The following GPC6 variants were observed in gnomAD, a reference collection of about 807,000 sequenced individuals.
GPC6 encodes glypican-6.
Under a neutral mutation model 55.2 loss-of-function variants are expected in GPC6, and 14 were observed. That is an observed-to-expected ratio of 0.25 (90% CI 0.17 to 0.40). The LOEUF (loss-of-function observed/expected upper bound fraction) is 0.40, where lower values mean the gene tolerates loss of function less well. GPC6 is among the 10% of genes least tolerant of loss of function. GPC6 has a pLI of 1.00. For missense variants in GPC6, 641 were observed against 708.5 expected (o/e 0.90, Z 1.08); for synonymous variants, 278 against 259.6 (o/e 1.07, Z -0.68).
chr13:93,661,250 G>A (rs551706856), intron 2 of GPC6, among the ~76,000 whole-genome samples: 1 of 151,976 alleles, frequency 6.6e-6, no homozygotes. Flanking sequence ...GCCTCACTCT[G>A]TCACCCAGGC....
At chr13:93,987,408 T>G (rs1009976672) in intron 3 of GPC6, among the ~76,000 whole-genome samples, 1 of 152,202 alleles carries the variant, frequency 6.6e-6, no homozygotes. Context: ...AAGTTTTGAC[T>G]AAAATTTTTA....
At chr13:93,581,834 A>T (rs1876950297) in intron 2 of GPC6, among the ~76,000 whole-genome samples, 1 of 152,224 alleles carries the variant, frequency 6.6e-6, no homozygotes, top group African/African-American at 2.4e-5. Context: ...CCTGAGGGAA[A>T]GATGTTCTTG....
At chr13:93,518,187 T>G (rs145185379) in intron 1 of GPC6, among the ~76,000 whole-genome samples, 1 of 151,962 alleles carries the variant, frequency 6.6e-6, no homozygotes, top group African/African-American at 2.4e-5. Flanking sequence ...GAAGAGAAAA[T>G]GGTGGTTAAA....
chr13:93,590,601 T>A (rs558034419), intron 2 of GPC6, among the ~76,000 whole-genome samples: 8 of 152,200 alleles, frequency 5.3e-5, no homozygotes, highest in African/African-American at 1.9e-4. Context: ...AATAAGTTTT[T>A]TAAAAAAAGC....
chr13:94,341,714 A>C (rs935511621), intron 6 of GPC6, among the ~76,000 whole-genome samples: 3 of 152,224 alleles, frequency 2.0e-5, no homozygotes, highest in Non-Finnish European at 4.4e-5. Flanking sequence ...TTCAAAGGAA[A>C]ATATCTTTCA....
intron 4 of GPC6, among the ~76,000 whole-genome samples, chr13:94,263,390 T>TTTG (rs1291546816): frequency 2.6e-5 from 4 of 152,250 alleles, no homozygotes; most frequent in African/African-American, 9.6e-5. Context: ...TAGAATGACC[T>TTTG]TTGCCCTTTA....
chr13:93,240,442 A>G (rs1353252368), intron 1 of GPC6, among the ~76,000 whole-genome samples: 1 of 151,920 alleles, frequency 6.6e-6, no homozygotes, highest in African/African-American at 2.4e-5. Context: ...GATTTATCTG[A>G]TATAAGAATG....
intron 1 of GPC6, among the ~76,000 whole-genome samples, chr13:93,283,556 T>A (rs1435615889): frequency 6.6e-6 from 1 of 152,122 alleles, no homozygotes; most frequent in Non-Finnish European, 1.5e-5. Flanking sequence ...TTGCTTGGAA[T>A]GGTGGCATGC....
intron 2 of GPC6, among the ~76,000 whole-genome samples, chr13:93,821,636 C>T (rs1381792508): frequency 6.6e-6 from 1 of 152,172 alleles, no homozygotes; most frequent in Admixed American, 6.5e-5. Context: ...TTTATTAGAA[C>T]TCCATTTTGG....
At chr13:93,642,225 A>G (rs536902957) in intron 2 of GPC6, among the ~76,000 whole-genome samples, 20 of 152,170 alleles carry the variant, frequency 1.3e-4, no homozygotes, top group South Asian at 4.1e-4. Context: ...GCTCCCACCT[A>G]TAAGTGAGAC....
chr13:93,968,365 A>T (rs1327024060), intron 3 of GPC6, among the ~76,000 whole-genome samples: 2 of 152,222 alleles, frequency 1.3e-5, no homozygotes, highest in Non-Finnish European at 2.9e-5. Context: ...ATCCAAAGGC[A>T]TTTCTATAAT....
intron 1 of GPC6, among the ~76,000 whole-genome samples, chr13:93,493,624 A>G (rs911740104): frequency 2.9e-5 from 4 of 137,432 alleles, no homozygotes; most frequent in African/African-American, 8.1e-5. Flanking sequence ...TAGGGTGTCA[A>G]TTTTGGATCT....
chr13:93,745,911 C>T (rs1884381411), intron 2 of GPC6, among the ~76,000 whole-genome samples: 1 of 152,160 alleles, frequency 6.6e-6, no homozygotes, highest in Non-Finnish European at 1.5e-5. Flanking sequence ...TTAGGACTTT[C>T]ACAATCCATG....
intron 7 of GPC6, among the ~76,000 whole-genome samples, chr13:94,397,551 T>C (rs1880945421): frequency 6.6e-6 from 1 of 152,174 alleles, no homozygotes; most frequent in Non-Finnish European, 1.5e-5. Flanking sequence ...ACCTCAATCA[T>C]TCCAGTAACC....
intron 7 of GPC6, among the ~76,000 whole-genome samples, chr13:94,384,147 C>A (rs992976332): frequency 6.6e-6 from 1 of 152,196 alleles, no homozygotes; most frequent in African/African-American, 2.4e-5. Flanking sequence ...GATACCTACA[C>A]AAAGAGCTCT....
At chr13:94,015,375 G>A (rs913121672) in intron 3 of GPC6, among the ~76,000 whole-genome samples, 3 of 152,000 alleles carry the variant, frequency 2.0e-5, no homozygotes, top group African/African-American at 7.2e-5. Context: ...CTTTAACAGG[G>A]TTGTTTGTCC....
At chr13:93,310,867 C>T (rs373906135) in intron 1 of GPC6, among the ~76,000 whole-genome samples, 2 of 152,176 alleles carry the variant, frequency 1.3e-5, no homozygotes, top group East Asian at 3.8e-4. Flanking sequence ...TCATCTTCCT[C>T]GCCTAAGCAT....
chr13:94,113,558 G>A (rs9516353), intron 4 of GPC6, among the ~76,000 whole-genome samples: 1 of 151,942 alleles, frequency 6.6e-6, no homozygotes, highest in Non-Finnish European at 1.5e-5. Flanking sequence ...GCTTTCCAGT[G>A]TCAATAACCT....
At chr13:93,816,665 T>G (rs563487881) in intron 2 of GPC6, among the ~76,000 whole-genome samples, 4 of 152,186 alleles carry the variant, frequency 2.6e-5, no homozygotes, top group African/African-American at 9.6e-5. Context: ...GCCATCTACT[T>G]AAATTTTCCA....
Sources: allele counts gnomAD v4.1 joint callset (sites outside exome capture counted in the v4.1 genomes callset), GRCh38; gene constraint gnomAD v4.1.1; transcripts MANE v1.5; gene names NCBI Gene and HGNC (gene_info 2026-07-23, HGNC 2026-07-21).